Variants in ZNF20 observed in about 807,000 individuals in gnomAD.
ZNF20 encodes the protein zinc finger protein KOX13.
ZNF20 carries 9 observed loss-of-function variants against 11.0 expected under a neutral mutation model. The observed-to-expected ratio is 0.82, with a 90% CI of 0.49 to 1.43. The LOEUF (loss-of-function observed/expected upper bound fraction) is 1.43. Ranked by LOEUF, ZNF20 falls within the 40% of genes most tolerant of loss-of-function variation. The pLI is 0.00. For missense variants in ZNF20, 528 were observed against 640.8 expected (o/e 0.82, Z 1.90); for synonymous variants, 182 against 213.0 (o/e 0.85, Z 1.27).
At position 12,131,660 on chromosome 19, in the gene ZNF20, G is replaced by A. The variant is rs1976624421; in HGVS notation, c.*927C>T. 6.6e-6 allele frequency: 1 copy of A among 152,228 alleles called. No homozygotes were observed. The highest frequency in any genetic ancestry group is 2.1e-4 in the South Asian group (1 of 4,834). 9.4% of individuals were successfully genotyped at this position (152,228 alleles called of 1,614,324 possible). A position where few individuals can be genotyped will look rare whatever the true frequency, so the allele number is the denominator to read the frequency against. On this transcript the variant is annotated 3_prime_UTR_variant, in exon 4 of 4. Transcript: ENST00000334213. ...ACTCACAGTGACCACCGGATAACAT[G>A]GTAACATTATCAACTTGATCTAATA...
Position 12,133,539 on chromosome 19 carries a change from A to T in ZNF20, c.647T>A (p.Ile216Asn). The change falls in exon 4 of 4, where the codon ATC (isoleucine) becomes AAC (asparagine). Residue 216 changes from isoleucine (I) to asparagine (N), a missense_variant. Transcript: ENST00000334213. ...CACACCAGTGTGAATTCGTTCATGG[A>T]TAAGACATAAATTGAGAAAATAGAA... ...KAFYFLNLCLIHERIHTGVKP... is the reference protein window; with the variant it reads ...KAFYFLNLCLNHERIHTGVKP... The T allele has an allele frequency of 1.2e-6, 2 of 1,614,180 alleles. No individual in the cohort carries two copies. Among genetic ancestry groups the T allele is most frequent in the South Asian group, 2.2e-5 (2 of 91,086 alleles).
intron 1 of ZNF20, among the ~76,000 whole-genome samples, chr19:12,138,417 G>A (rs935429153): frequency 1.4e-5 from 2 of 142,852 alleles, no homozygotes; most frequent in African/African-American, 5.4e-5. Flanking sequence ...CTTCAATTCA[G>A]CCTGGGTTAC....
intron 3 of ZNF20, among the ~76,000 whole-genome samples, chr19:12,134,464 G>A (rs567179291): frequency 1.3e-5 from 2 of 152,316 alleles, no homozygotes; most frequent in East Asian, 3.9e-4. Context: ...CCAACATGGC[G>A]AAACCCTGTC....
In ZNF20 at chr19:12,132,347, C is replaced by G. The variant is rs1976635510; in HGVS notation, c.*240G>C. Reference sequence around the variant, plus strand: ...ACACCTCTCTCCCTGTGTGGGGCCTCTAATATGTGACTGATGCCTTCCTTT... The same window carrying G: ...ACACCTCTCTCCCTGTGTGGGGCCTGTAATATGTGACTGATGCCTTCCTTT... On this transcript the variant is annotated 3_prime_UTR_variant, in exon 4 of 4. Coordinates refer to ENST00000334213, the MANE Select transcript of ZNF20 (RefSeq NM_021143.4). The G allele has an allele frequency of 6.3e-6, 3 of 476,216 alleles. No individual in the cohort carries two copies. The highest frequency in any genetic ancestry group is 7.0e-5 in the South Asian group (2 of 28,702). The allele number at this position is 476,216 out of a possible 1,614,324, so 29.5% of individuals were successfully genotyped here.
chr19:12,138,437 C>G (rs894000363), intron 1 of ZNF20, among the ~76,000 whole-genome samples: 9 of 123,628 alleles, frequency 7.3e-5, no homozygotes, highest in African/African-American at 3.2e-4. Flanking sequence ...CAAAGAGAGA[C>G]TTTCTCTCAA....
Position 12,133,365 on chromosome 19 carries a change from T to G in ZNF20, c.821A>C (p.Lys274Thr). Residue 274 changes from lysine to threonine, a missense_variant, in exon 4 of 4, where the codon AAA becomes ACA. Transcript: ENST00000334213. ...GGGTTTTTCTCCAGTGTGAGACCTT[T>G]TATGTCTACGAATTTCACTAGGAAA... is the stretch of plus-strand genomic sequence containing the variant. Reference protein sequence around the residue: ...FSFPSEIRRHKRSHTGEKPYE... With the variant: ...FSFPSEIRRHTRSHTGEKPYE... The G allele has an allele frequency of 6.2e-7, 1 of 1,614,252 alleles. No homozygotes were observed. Among genetic ancestry groups the G allele is most frequent in the South Asian group, 1.1e-5 (1 of 91,092 alleles).
At chr19:12,134,336 A>C (rs562481809) in intron 3 of ZNF20, among the ~76,000 whole-genome samples, 3 of 151,822 alleles carry the variant, frequency 2.0e-5, no homozygotes, top group African/African-American at 7.3e-5. Flanking sequence ...AAAAAAAATA[A>C]AAAAATAAAA....
intron 3 of ZNF20, 54 bp from the exon 4 acceptor site, chr19:12,134,039 T>C (rs1976671089): frequency 2.0e-6 from 3 of 1,494,398 alleles, no homozygotes; most frequent in East Asian, 4.6e-5. Context: ...AAGTGACTTA[T>C]AGGGCCGGGC....
chr19:12,134,584 A>G (rs1045094313), intron 3 of ZNF20, among the ~76,000 whole-genome samples: 2 of 152,184 alleles, frequency 1.3e-5, no homozygotes, highest in Non-Finnish European at 2.9e-5. Context: ...TGGCAGTTGC[A>G]GTGAGCTAAA....
rs776404040 is a variant in ZNF20, at chr19:12,133,889, AAG to A, written c.295_296del (p.Leu99SerfsTer7). 1.1e-5 allele frequency: 18 copies of A among 1,614,190 alleles called. No homozygotes were observed. Among genetic ancestry groups the A allele is most frequent in the Non-Finnish European group, 1.5e-5 (18 of 1,180,032 alleles). On this transcript the variant is annotated frameshift_variant, in exon 4 of 4. Transcript: ENST00000334213. LOFTEE classifies it low-confidence loss of function (END_TRUNC). ...IADDMLNRKT[L>X]PGITPCESSV... Reference sequence around the variant, plus strand: ...TGCTTTCACATGGTGTTATTCCAGGAAGAGTTTTCCTGTTCAGCATGTCATCT... The same window carrying A: ...TGCTTTCACATGGTGTTATTCCAGGAAGTTTTCCTGTTCAGCATGTCATCT...
intron 1 of ZNF20, chr19:12,136,905 C>T: frequency 2.3e-6 from 1 of 431,848 alleles, no homozygotes; most frequent in Non-Finnish European, 4.6e-6. Flanking sequence ...TCTTTGAAGC[C>T]CATCATCTCC....
chr19:12,140,194 T>A lies in ZNF20; in HGVS notation c.-12A>T. The A allele has an allele frequency of 6.2e-7, 1 of 1,603,640 alleles. No individual in the cohort carries two copies. Among genetic ancestry groups the A allele is most frequent in the Non-Finnish European group, 8.5e-7 (1 of 1,174,910 alleles). On this transcript the variant is annotated 5_prime_UTR_variant, in exon 1 of 4. Coordinates refer to ENST00000334213, the MANE Select transcript of ZNF20 (RefSeq NM_021143.4). ...CATACACTCACCATTTCCCGGCTTC[T>A]GGGTGTCCCGGTGTCCTCTCTAGGG...
intron 1 of ZNF20, chr19:12,137,020 T>G (rs1976722967): frequency 3.9e-5 from 11 of 285,004 alleles, no homozygotes; most frequent in South Asian, 3.2e-4. Context: ...AAACCCGTAC[T>G]CAAGCCGTGT....
Position 12,133,213 on chromosome 19 carries a change from G to A in ZNF20, c.973C>T (p.His325Tyr). The A allele has an allele frequency of 6.2e-7, 1 of 1,612,992 alleles. No homozygotes were observed. Among genetic ancestry groups the A allele is most frequent in the Non-Finnish European group, 8.5e-7 (1 of 1,179,532 alleles). The change falls in exon 4 of 4, where the codon CAC (histidine) becomes TAC (tyrosine). Residue 325 changes from histidine to tyrosine, a missense_variant. Physicochemically the swap from His to Tyr is moderately conservative, Grantham distance 83. Transcript: ENST00000334213. ...QCGKAFRCGS[H>Y]LQKHGRTHTG... ...TGAGTCCTTCCATGCTTTTGAAGGT[G>A]TGAGCCACATCTAAAGGCTTTCCCA... is the stretch of plus-strand genomic sequence containing the variant.
In ZNF20 at chr19:12,133,501, A is replaced by G. The variant is rs1006744227; in HGVS notation, c.685T>C (p.Cys229Arg). The change falls in exon 4 of 4, where the codon TGT becomes CGT. Residue 229 changes from cysteine to arginine, a missense_variant. Transcript: ENST00000334213. ...GTAAAGGCCTTACCACATTGTTTAC[A>G]CTTATATGGTTTCACACCAGTGTGA... ...RIHTGVKPYKCKQCGKAFTRS... is the reference protein window; with the variant it reads ...RIHTGVKPYKRKQCGKAFTRS... 6.2e-7 allele frequency: 1 copy of G among 1,614,226 alleles called. No individual in the cohort carries two copies. The highest frequency in any genetic ancestry group is 2.2e-5 in the East Asian group (1 of 44,880).
rs1428723911 is a variant in ZNF20, at chr19:12,133,066, T to A, written c.1120A>T (p.Lys374Ter). ...AGTTGTGAAGCACATCTAAAGCCTT[T>A]CCCACACTGCTTACATCCATAGGGT... The part of the protein sequence containing the change: ...DKPYGCKQCG[K>*]GFRCASQLQI... The change falls in exon 4 of 4, where the codon AAA becomes TAA. Residue 374 changes from lysine (K) to a stop codon, truncating the protein, a stop_gained. Transcript: ENST00000334213. LOFTEE classifies it low-confidence loss of function (END_TRUNC). 6.2e-7 allele frequency: 1 copy of A among 1,614,154 alleles called. No individual in the cohort carries two copies. Among genetic ancestry groups the A allele is most frequent in the Admixed American group, 1.7e-5 (1 of 60,010 alleles).
At chr19:12,136,069 T>A in intron 1 of ZNF20, 165 bp from the exon 2 acceptor site, 2 of 908,290 alleles carry the variant, frequency 2.2e-6, no homozygotes, top group Non-Finnish European at 3.1e-6. Flanking sequence ...AAACCAACCC[T>A]TTTTTTGTTA....
At chr19:12,135,932 G>A (rs1033256268) in intron 1 of ZNF20, 28 bp from the exon 2 acceptor site, 4 of 1,610,942 alleles carry the variant, frequency 2.5e-6, no homozygotes, top group Non-Finnish European at 3.4e-6. Context: ...GGACAGGTAA[G>A]ACTAACAGCC....
At chr19:12,137,148 A>AG in intron 1 of ZNF20, 1 of 164,368 alleles carries the variant, frequency 6.1e-6, no homozygotes, top group East Asian at 1.9e-4. Flanking sequence ...CTACTAAAAA[A>AG]CACAAAAATT....
Sources: allele counts gnomAD v4.1 joint callset (sites outside exome capture counted in the v4.1 genomes callset), GRCh38; gene constraint gnomAD v4.1.1; transcripts MANE v1.5; gene names NCBI Gene and HGNC (gene_info 2026-07-23, HGNC 2026-07-21).